BBX: variants seen among roughly 807,000 people sequenced by gnomAD.
The protein encoded by BBX is BBX high mobility group box domain containing, also known as HMG box transcription factor BBX.
BBX carries 30 observed loss-of-function variants against 100.2 expected under a neutral mutation model. The ratio of observed to expected loss-of-function variants is 0.30; its 90% confidence interval spans 0.22 to 0.41. The LOEUF (loss-of-function observed/expected upper bound fraction) is 0.41. BBX is among the 10% of genes least tolerant of loss of function. The pLI is 1.00. For missense variants in BBX, 1,023 were observed against 1,129.8 expected, an observed-to-expected ratio of 0.91 and a Z score of 1.35; for synonymous variants, 376 against 388.1, an observed-to-expected ratio of 0.97 and a Z score of 0.37.
intron 3 of BBX, among the ~76,000 whole-genome samples, chr3:107,648,008 A>G (rs770067396): frequency 1.6e-4 from 24 of 152,238 alleles, no homozygotes; most frequent in Non-Finnish European, 3.1e-4. Flanking sequence ...AAGCTGCATC[A>G]TCTGAGAGAG....
At chr3:107,592,872 T>G (rs2053431659) in intron 2 of BBX, among the ~76,000 whole-genome samples, 1 of 152,226 alleles carries the variant, frequency 6.6e-6, no homozygotes, top group Admixed American at 6.5e-5. Context: ...AGTGGTTTTT[T>G]TAAGATCAAG....
At chr3:107,663,295 A>G (rs1452800924) in intron 3 of BBX, among the ~76,000 whole-genome samples, 2 of 152,310 alleles carry the variant, frequency 1.3e-5, no homozygotes, top group Non-Finnish European at 2.9e-5. Flanking sequence ...ATAATTCTGC[A>G]GTCATATCTT....
At chr3:107,734,527 A>T (rs1373800134) in intron 7 of BBX, among the ~76,000 whole-genome samples, 1 of 152,226 alleles carries the variant, frequency 6.6e-6, no homozygotes, top group Non-Finnish European at 1.5e-5. Context: ...CCAAAGGTGA[A>T]TGTTGGACTA....
intron 13 of BBX, among the ~76,000 whole-genome samples, chr3:107,788,724 G>A (rs1306924345): frequency 2.6e-5 from 4 of 151,994 alleles, no homozygotes; most frequent in South Asian, 2.1e-4. Flanking sequence ...GCAGTGAGCC[G>A]AGATCATCCC....
At chr3:107,563,705 T>G (rs1286898493) in intron 2 of BBX, among the ~76,000 whole-genome samples, 2 of 152,248 alleles carry the variant, frequency 1.3e-5, no homozygotes, top group African/African-American at 4.8e-5. Flanking sequence ...TATTGTTTGC[T>G]GTTTTACATG....
At chr3:107,618,752 G>A (rs1576519585) in intron 2 of BBX, among the ~76,000 whole-genome samples, 1 of 151,876 alleles carries the variant, frequency 6.6e-6, no homozygotes, top group Non-Finnish European at 1.5e-5. Context: ...TTGTGACTAG[G>A]GGAGCCACTC....
intron 3 of BBX, chr3:107,684,832 G>A (rs934076916): frequency 2.6e-5 from 4 of 152,198 alleles, no homozygotes; most frequent in South Asian, 2.1e-4. Context: ...CTTCGAAGGA[G>A]AGCTGCATGT....
chr3:107,582,311 T>C (rs998948685), intron 2 of BBX, among the ~76,000 whole-genome samples: 7 of 151,990 alleles, frequency 4.6e-5, no homozygotes, highest in Admixed American at 2.0e-4. Context: ...TTAAACACAT[T>C]TTTGTTTTAA....
chr3:107,749,635 CTT>C (rs1236776971), intron 9 of BBX, among the ~76,000 whole-genome samples: 18 of 141,550 alleles, frequency 1.3e-4, no homozygotes, highest in Admixed American at 2.1e-4. Flanking sequence ...TGTATGACCT[CTT>C]TTTTTTTTTT....
intron 2 of BBX, among the ~76,000 whole-genome samples, chr3:107,529,076 G>T (rs114903661): frequency 0.029 from 4,416 of 152,184 alleles, 90 homozygotes; most frequent in Middle Eastern, 0.088. Flanking sequence ...CCTTTTTGCT[G>T]TACTACAGGA....
Position 107,791,219 on chromosome 3 carries a change from CT to C in BBX, c.2294-17del. The C allele has an allele frequency of 1.9e-6, 3 of 1,607,840 alleles. No homozygotes were observed. The highest frequency in any genetic ancestry group is 2.6e-6 in the Non-Finnish European group (3 of 1,175,318). ...AAGAGTAGAGTTTCACTTTTCTTTC[CT>C]TTTCTGTCATTGTTTTTAGGAAGTG... On this transcript the variant is annotated intron_variant, in intron 14 of 17. Coordinates refer to ENST00000325805, the MANE Select transcript of BBX (RefSeq NM_001142568.3).
At position 107,795,896 on chromosome 3, in the gene BBX, A is replaced by G. The variant is rs1021613616; in HGVS notation, c.2354-2627A>G. On this transcript the variant is annotated intron_variant, in intron 15 of 17. Coordinates refer to ENST00000325805, the MANE Select transcript of BBX (RefSeq NM_001142568.3). Reference sequence around the variant, plus strand: ...GGAACAAACTAGAAAAGGAACAACTATTAAGTAGAAATGAAACCATTTGAA... The same window carrying G: ...GGAACAAACTAGAAAAGGAACAACTGTTAAGTAGAAATGAAACCATTTGAA... Among the ~76,000 whole-genome samples, 11 of 152,184 alleles carry G rather than the reference A, an allele frequency of 7.2e-5. No homozygotes were observed. The East Asian group carries it at 2.1e-3, about 29-fold the overall frequency.
At chr3:107,554,676 T>C (rs1319366655) in intron 2 of BBX, among the ~76,000 whole-genome samples, 1 of 152,240 alleles carries the variant, frequency 6.6e-6, no homozygotes, top group Admixed American at 6.5e-5. Flanking sequence ...TCTAGAAAGA[T>C]CATGCAATTG....
chr3:107,616,345 T>G (rs1559877771), intron 2 of BBX, among the ~76,000 whole-genome samples: 1 of 152,162 alleles, frequency 6.6e-6, no homozygotes, highest in African/African-American at 2.4e-5. Flanking sequence ...TTTGGACATT[T>G]TGGAAAAGGG....
intron 2 of BBX, among the ~76,000 whole-genome samples, chr3:107,605,710 T>A (rs1392148814): frequency 2.6e-5 from 4 of 152,180 alleles, no homozygotes; most frequent in African/African-American, 9.7e-5. Flanking sequence ...GACAGGCATG[T>A]ATGTCCCATC....
chr3:107,724,537 T>C (rs2062778734), intron 5 of BBX, among the ~76,000 whole-genome samples: 1 of 152,260 alleles, frequency 6.6e-6, no homozygotes. Flanking sequence ...TTTTATGGTT[T>C]CAGTTCTAAC....
intron 3 of BBX, among the ~76,000 whole-genome samples, chr3:107,664,667 C>T (rs1393487053): frequency 1.3e-5 from 2 of 152,168 alleles, no homozygotes; most frequent in Non-Finnish European, 2.9e-5. Context: ...GTTTTGCCTC[C>T]AGAAAACCTT....
chr3:107,703,322 CTA>C (rs1234027941), intron 3 of BBX, among the ~76,000 whole-genome samples: 1 of 152,172 alleles, frequency 6.6e-6, no homozygotes, highest in African/African-American at 2.4e-5. Flanking sequence ...ACTGACTTCT[CTA>C]TGTATATAGC....
At chr3:107,563,008 CA>C (rs1425155006) in intron 2 of BBX, among the ~76,000 whole-genome samples, 1 of 152,192 alleles carries the variant, frequency 6.6e-6, no homozygotes, top group African/African-American at 2.4e-5. Context: ...TCCAAACTGA[CA>C]TCTCCTTTTG....
Sources: gnomAD v4.1 joint callset for allele counts (sites outside exome capture counted in the v4.1 genomes callset) on GRCh38, gnomAD v4.1.1 for gene constraint, MANE v1.5 for transcripts, NCBI Gene and HGNC (gene_info 2026-07-23, HGNC 2026-07-21) for gene names.